LINGO2: variants seen among roughly 807,000 people sequenced by gnomAD.
LINGO2 encodes leucine rich repeat and Ig domain containing 2.
A neutral mutation model predicts 30.6 loss-of-function variants in LINGO2; 14 were observed. That is an observed-to-expected ratio of 0.46 (90% confidence interval 0.30 to 0.72). LINGO2 has a LOEUF of 0.72. LINGO2 is among the 30% of genes least tolerant of loss of function. LINGO2 has a pLI of 0.07. For missense variants in LINGO2, 729 were observed against 751.7 expected (o/e 0.97, Z 0.35); for synonymous variants, 317 against 288.5 (o/e 1.10, Z -1.00).
chr9:28,038,250 T>C (rs971457732), intron 4 of LINGO2, among the ~76,000 whole-genome samples: 13 of 152,204 alleles, frequency 8.5e-5, no homozygotes, highest in African/African-American at 3.1e-4. Context: ...ATTAAGTGGA[T>C]GGGGAAAAGA....
the LINGO2 span, chr9:27,938,797 C>G: frequency 2.6e-5 from 4 of 152,138 alleles, no homozygotes; most frequent in African/African-American, 9.7e-5. Flanking sequence ...AGCTCGATTA[C>G]TATGATAATG....
intron 1 of LINGO2, among the ~76,000 whole-genome samples, chr9:28,508,503 C>A (rs900332432): frequency 8.6e-5 from 13 of 151,826 alleles, no homozygotes; most frequent in Non-Finnish European, 1.3e-4. Context: ...CCTTTGTACT[C>A]TCATTTTTGG....
At chr9:28,730,941 T>C in the LINGO2 span, among the ~76,000 whole-genome samples, 1 of 151,490 alleles carries the variant, frequency 6.6e-6, no homozygotes, top group Non-Finnish European at 1.5e-5. Flanking sequence ...TGCCAGTTTC[T>C]TTTAAAATAA....
At chr9:28,701,558 A>T in the LINGO2 span, among the ~76,000 whole-genome samples, 1 of 151,998 alleles carries the variant, frequency 6.6e-6, no homozygotes, top group African/African-American at 2.4e-5. Flanking sequence ...TGTATATTTA[A>T]CACAAATTGG....
chr9:28,308,020 G>T (rs1386498481), intron 3 of LINGO2, among the ~76,000 whole-genome samples: 6 of 149,308 alleles, frequency 4.0e-5, no homozygotes, highest in East Asian at 4.0e-4. Flanking sequence ...GTAATTTATA[G>T]ATTCAATGCC....
At chr9:28,278,122 G>A (rs1823194202) in intron 4 of LINGO2, among the ~76,000 whole-genome samples, 1 of 152,132 alleles carries the variant, frequency 6.6e-6, no homozygotes, top group Non-Finnish European at 1.5e-5. Context: ...CTAATCCAGA[G>A]CAAGACCCTG....
At chr9:29,125,485 A>G in the LINGO2 span, among the ~76,000 whole-genome samples, 1 of 152,112 alleles carries the variant, frequency 6.6e-6, no homozygotes, top group East Asian at 1.9e-4. Context: ...ATAGTTTAGA[A>G]TAAGTCATTC....
At chr9:28,973,841 A>G in the LINGO2 span, among the ~76,000 whole-genome samples, 2 of 152,302 alleles carry the variant, frequency 1.3e-5, no homozygotes, top group South Asian at 2.1e-4. Context: ...TTCCAGACAA[A>G]CAAAAGCTGA....
the LINGO2 span, among the ~76,000 whole-genome samples, chr9:28,920,761 C>G: frequency 1.1e-4 from 16 of 151,920 alleles, no homozygotes; most frequent in African/African-American, 3.9e-4. Flanking sequence ...TCTACATAAC[C>G]GAATCTTAAA....
chr9:29,106,473 G>A, the LINGO2 span, among the ~76,000 whole-genome samples: 24 of 152,108 alleles, frequency 1.6e-4, no homozygotes, highest in East Asian at 4.4e-3. Context: ...GGGAACACAC[G>A]GAATTCTCTT....
chr9:28,875,908 T>G, the LINGO2 span, among the ~76,000 whole-genome samples: 1 of 152,176 alleles, frequency 6.6e-6, no homozygotes, highest in Non-Finnish European at 1.5e-5. Context: ...CATTTTGCAT[T>G]TCCTTGTTAA....
intron 3 of LINGO2, among the ~76,000 whole-genome samples, chr9:28,347,550 T>C (rs958672357): frequency 1.3e-5 from 2 of 152,184 alleles, no homozygotes; most frequent in Non-Finnish European, 2.9e-5. Flanking sequence ...GACAGTCTCC[T>C]CTGTGCTAGA....
At chr9:28,209,018 A>C (rs755202791) in intron 4 of LINGO2, among the ~76,000 whole-genome samples, 1 of 152,028 alleles carries the variant, frequency 6.6e-6, no homozygotes, top group Non-Finnish European at 1.5e-5. Context: ...GTAGAGATAA[A>C]TGCATGTGTT....
chr9:28,719,266 C>T, the LINGO2 span, among the ~76,000 whole-genome samples: 5 of 152,006 alleles, frequency 3.3e-5, no homozygotes, highest in Non-Finnish European at 5.9e-5. Context: ...TTCTCTTCCA[C>T]AACGAACATG....
At chr9:28,121,050 A>AAATTATAT (rs1402004463) in intron 4 of LINGO2, among the ~76,000 whole-genome samples, 3 of 152,174 alleles carry the variant, frequency 2.0e-5, no homozygotes, top group Admixed American at 6.5e-5. Flanking sequence ...GTTTCCCTCA[A>AAATTATAT]AATTATATTT....
chr9:28,719,483 G>A, the LINGO2 span, among the ~76,000 whole-genome samples: 1 of 152,016 alleles, frequency 6.6e-6, no homozygotes, highest in South Asian at 2.1e-4. Context: ...TGTACAAAAA[G>A]TCTGGTGGGC....
intron 5 of LINGO2, among the ~76,000 whole-genome samples, chr9:27,962,601 T>A (rs1819902803): frequency 6.6e-6 from 1 of 152,120 alleles, no homozygotes; most frequent in Admixed American, 6.6e-5. Flanking sequence ...TGGGGTCATA[T>A]CTCATCAACT....
At chr9:28,322,490 A>G (rs1825082555) in intron 3 of LINGO2, among the ~76,000 whole-genome samples, 1 of 151,876 alleles carries the variant, frequency 6.6e-6, no homozygotes, top group African/African-American at 2.4e-5. Flanking sequence ...CGTTTACAAT[A>G]AATACTTTTT....
the LINGO2 span, among the ~76,000 whole-genome samples, chr9:28,734,405 C>T: frequency 6.6e-6 from 1 of 152,096 alleles, no homozygotes; most frequent in African/African-American, 2.4e-5. Flanking sequence ...CTGGAACATT[C>T]CTTTCAACAT....
Sources: allele counts gnomAD v4.1 joint callset (sites outside exome capture counted in the v4.1 genomes callset), GRCh38; gene constraint gnomAD v4.1.1; transcripts MANE v1.5; gene names NCBI Gene and HGNC (gene_info 2026-07-23, HGNC 2026-07-21).